TNK2: variants seen among roughly 807,000 people sequenced by gnomAD.
The protein encoded by TNK2 is tyrosine kinase non receptor 2.
A neutral mutation model predicts 101.8 loss-of-function variants in TNK2; 83 were observed. The observed-to-expected ratio is 0.82, with a 90% CI of 0.68 to 0.98. The LOEUF (loss-of-function observed/expected upper bound fraction) is 0.98. Ranked by LOEUF, TNK2 falls within the 50% of genes least tolerant of loss-of-function variation. The pLI is 0.00. For synonymous variants in TNK2, 804 were observed against 633.0 expected (o/e 1.27, Z -4.06); for missense variants, 1,665 against 1,483.2 (o/e 1.12, Z -2.01).
Position 195,867,734 on chromosome 3 carries a change from G to A in TNK2, c.2564C>T (p.Ala855Val). The A allele has an allele frequency of 6.2e-7, 1 of 1,602,668 alleles. No homozygotes were observed. Among genetic ancestry groups the A allele is most frequent in the South Asian group, 1.1e-5 (1 of 89,824 alleles). Residue 855 changes from alanine to valine, a missense_variant, in exon 13 of 16, where the codon GCT (alanine) becomes GTT (valine). Ala to Val is a moderately conservative substitution (Grantham distance 64). Around this residue, in one of 3 missense-constraint regions of TNK2, gnomAD observed 1,136 missense variants for 894.9 expected, o/e 1.27. Coordinates refer to ENST00000672887, the MANE Select transcript of TNK2 (RefSeq NM_001382273.1). Reference protein sequence around the residue: ...PQVIQAPGPRAGPCILPIVRD... With the variant: ...PQVIQAPGPRVGPCILPIVRD... ...GACGATGGGCAGGATGCAGGGACCA[G>A]CCCGCGGGCCAGGGGCCTGGATCAC...
intron 6 of TNK2, among the ~76,000 whole-genome samples, chr3:195,880,261 G>A (rs1465612490): frequency 6.6e-6 from 1 of 152,100 alleles, no homozygotes; most frequent in Admixed American, 6.5e-5. Flanking sequence ...GGCCTGCTGT[G>A]GCCTGGGCCT....
chr3:195,865,242 G>C (rs1484592487), intron 15 of TNK2, among the ~76,000 whole-genome samples: 15 of 130,216 alleles, frequency 1.2e-4, no homozygotes, highest in Non-Finnish European at 2.4e-4. Flanking sequence ...AGAACCACCC[G>C]AGACAGTGAC....
At chr3:195,899,970 C>T (rs1560545168) in intron 1 of TNK2, among the ~76,000 whole-genome samples, 1 of 152,154 alleles carries the variant, frequency 6.6e-6, no homozygotes, top group Non-Finnish European at 1.5e-5. Flanking sequence ...TTTGCCTCCC[C>T]CCATGATTTC....
intron 1 of TNK2, among the ~76,000 whole-genome samples, chr3:195,893,810 G>A (rs540025509): frequency 6.7e-6 from 1 of 149,152 alleles, no homozygotes; most frequent in African/African-American, 2.4e-5. Context: ...GCTGGCTGGA[G>A]GGGTGGGCAG....
rs1285846959 is a variant in TNK2 at position 195,885,089 on chromosome 3, C to G, written c.235-56G>C. The G allele has an allele frequency of 1.3e-6, 2 of 1,487,252 alleles. No individual in the cohort carries two copies. The highest frequency in any genetic ancestry group is 2.3e-5 in the East Asian group (1 of 43,358). The allele number at this position is 1,487,252 out of a possible 1,614,324, so 92.1% of individuals were successfully genotyped here. On this transcript the variant is annotated intron_variant, in intron 3 of 15. Coordinates refer to ENST00000672887, the MANE Select transcript of TNK2 (RefSeq NM_001382273.1). This position sits in a 1 kb window ranked among gnomAD's most constrained non-coding sequence, Gnocchi z 4.7. ...ATCCAACACCCCAGGGTCAGTCACT[C>G]AGTCCCACCCCGCTGGGTCCACCTG...
rs1741446272 is a variant in TNK2 at position 195,867,179 on chromosome 3, T to C, written c.3023A>G (p.Gln1008Arg). 6.2e-7 allele frequency: 1 copy of C among 1,612,852 alleles called. No homozygotes were observed. Among genetic ancestry groups the C allele is most frequent in the Non-Finnish European group, 8.5e-7 (1 of 1,179,852 alleles). ...AGGAGGTGGCGGTACCTTCAGATAC[T>C]GGGCAGCCCTCTGCACGCTCCAGCC... ...CHGWSVQRAA[Q>R]YLKVEQLFGL... Residue 1008 changes from glutamine to arginine, a missense_variant, in exon 14 of 16, where the codon CAG (glutamine) becomes CGG (arginine). Gln to Arg is a conservative substitution (Grantham distance 43). Transcript: ENST00000672887.
chr3:195,882,281 C>G lies in TNK2; in HGVS notation c.657G>C (p.Lys219Asn). 6.2e-7 allele frequency: 1 copy of G among 1,613,506 alleles called. No individual in the cohort carries two copies. The highest frequency in any genetic ancestry group is 8.5e-7 in the Non-Finnish European group (1 of 1,179,976). ...TCCCCAGGAGGAAGTGGCCCTGGTG[C>G]TTACGTAGCCGGTCCAACAACGATC... ...PLGSLLDRLR[K>N]HQGHFLLGTL... is the part of the protein sequence containing the mutation. Residue 219 changes from lysine to asparagine, a missense_variant, in exon 6 of 16, where the codon AAG (lysine) becomes AAC (asparagine). Lys to Asn is a moderately conservative substitution (Grantham distance 94). Coordinates refer to ENST00000672887, the MANE Select transcript of TNK2 (RefSeq NM_001382273.1). The surrounding 1 kb of genome is among the most constrained non-coding windows in gnomAD (Gnocchi z 4.2).
intron 10 of TNK2, among the ~76,000 whole-genome samples, chr3:195,872,021 C>CATT (rs1358264978): frequency 1.3e-4 from 18 of 143,254 alleles, no homozygotes; most frequent in South Asian, 2.1e-4. Flanking sequence ...CCCTGGAGAA[C>CATT]CCTCCCCTGG....
Position 195,884,948 on chromosome 3 carries a change from C to G in TNK2, c.320G>C (p.Gly107Ala). 6.2e-7 allele frequency: 1 copy of G among 1,613,952 alleles called. No homozygotes were observed. Among genetic ancestry groups the G allele is most frequent in the Non-Finnish European group, 8.5e-7 (1 of 1,179,908 alleles). The stretch of plus-strand genomic sequence containing the variant: ...CTGCAGGGGCCCCTCCCCTGCTGGG[C>G]CCCCAGGGGCGGGCGAGGTCTTCCG... ...TFRKTSPAPG[G>A]PAGEGPLQSL... Residue 107 changes from glycine to alanine, a missense_variant, in exon 4 of 16, where the codon GGC (glycine) becomes GCC (alanine). Gly to Ala is a moderately conservative substitution (Grantham distance 60). Transcript: ENST00000672887.
intron 4 of TNK2, chr3:195,883,520 G>A (rs984334722): frequency 1.0e-4 from 56 of 551,700 alleles, no homozygotes; most frequent in African/African-American, 8.1e-4. Flanking sequence ...AGCCATCGTC[G>A]GCCACACCTC....
intron 9 of TNK2, among the ~76,000 whole-genome samples, chr3:195,873,677 G>C (rs184148301): frequency 6.6e-6 from 1 of 152,200 alleles, no homozygotes; most frequent in African/African-American, 2.4e-5. Context: ...CCAGGCCGGG[G>C]AGAGAGGACG....
rs537760041 is a variant in TNK2 at position 195,870,459 on chromosome 3, G to A, written c.1452-254C>T. On this transcript the variant is annotated intron_variant, in intron 10 of 15. Transcript: ENST00000672887. Reference sequence around the variant, plus strand: ...CAGGGACTCCAACTACACCCTACAAGGGCAGAGGTGGTCCTCCACAACCCC... The same window carrying A: ...CAGGGACTCCAACTACACCCTACAAAGGCAGAGGTGGTCCTCCACAACCCC... 9 of 1,275,878 alleles carry A rather than the reference G, an allele frequency of 7.1e-6. No homozygotes were observed. The East Asian group carries it at 3.7e-4, about 53-fold the overall frequency. 79.0% of individuals were successfully genotyped at this position (1,275,878 alleles called of 1,614,324 possible). A position where few individuals can be genotyped will look rare whatever the true frequency, so the allele number is the denominator to read the frequency against.
At chr3:195,901,010 C>G (rs1465851589) in intron 1 of TNK2, among the ~76,000 whole-genome samples, 1 of 152,228 alleles carries the variant, frequency 6.6e-6, no homozygotes, top group Non-Finnish European at 1.5e-5. Flanking sequence ...AGTGAACATT[C>G]AGTCTACAAG....
In TNK2 at chr3:195,888,187, G is replaced by C. The variant is rs1248248349; in HGVS notation, c.163+239C>G. Among the ~76,000 whole-genome samples the C allele has an allele frequency of 5.9e-5, 9 of 152,254 alleles. No homozygotes were observed. The highest frequency in any genetic ancestry group is 1.3e-4 in the Non-Finnish European group (9 of 68,016). ...CACTCTACGTGAGAACAATCACAAC[G>C]GGGCATGGAGTGACTCCTGTGTAGC... On this transcript the variant is annotated intron_variant, in intron 2 of 15. Coordinates refer to ENST00000672887, the MANE Select transcript of TNK2 (RefSeq NM_001382273.1). The surrounding 1 kb of genome is among the most constrained non-coding windows in gnomAD (Gnocchi z 5.3).
chr3:195,869,455 G>T (rs1485964500), intron 12 of TNK2, 42 bp downstream of exon 12: 4 of 1,540,844 alleles, frequency 2.6e-6, no homozygotes, highest in Non-Finnish European at 3.5e-6. Context: ...AGAGAGAGGG[G>T]GCGGGGGCGG....
chr3:195,866,298 T>C (rs962335516), intron 15 of TNK2, among the ~76,000 whole-genome samples: 2 of 152,132 alleles, frequency 1.3e-5, no homozygotes, highest in African/African-American at 4.8e-5. Flanking sequence ...CCTCCCAGGT[T>C]GAAGCGATTC....
At chr3:195,879,639 G>GC (rs1283223744) in intron 6 of TNK2, among the ~76,000 whole-genome samples, 1 of 152,184 alleles carries the variant, frequency 6.6e-6, no homozygotes, top group East Asian at 1.9e-4. Context: ...AGTCATACTG[G>GC]CTTCACCCAA....
chr3:195,897,063 G>A (rs1177917968), intron 1 of TNK2, among the ~76,000 whole-genome samples: 4 of 152,040 alleles, frequency 2.6e-5, no homozygotes, highest in African/African-American at 9.7e-5. Flanking sequence ...AAGGAAAAAA[G>A]AACATACTGA....
intron 1 of TNK2, chr3:195,892,789 C>T (rs1249093030): frequency 2.8e-5 from 33 of 1,169,888 alleles, no homozygotes; most frequent in Middle Eastern, 3.3e-4. Context: ...CCCAACTGCC[C>T]GCCCGGCCGC....
Sources: gnomAD v4.1 joint callset for allele counts (sites outside exome capture counted in the v4.1 genomes callset) on GRCh38, gnomAD v4.1.1 for gene constraint, gnomAD v4.1.1 regional missense constraint, Gnocchi (gnomAD v3.1) non-coding constraint, MANE v1.5 for transcripts, NCBI Gene and HGNC (gene_info 2026-07-23, HGNC 2026-07-21) for gene names.